Variants in DMXL1 observed in about 807,000 individuals in gnomAD.
The protein encoded by DMXL1 is Dmx like 1.
In DMXL1, 99 loss-of-function variants were observed where a neutral mutation model predicts 319.2. The observed-to-expected ratio is 0.31, with a 90% CI of 0.26 to 0.37. The LOEUF (loss-of-function observed/expected upper bound fraction) is 0.37. Among genes scored for constraint, DMXL1 ranks in the 10% least tolerant of loss-of-function variants. The pLI is 1.00. For synonymous variants in DMXL1, 1,385 were observed against 1,235.2 expected (o/e 1.12, Z -2.54); for missense variants, 3,745 against 3,595.6 (o/e 1.04, Z -1.06).
At chr5:119,122,731 C>G (rs1037854553) in intron 9 of DMXL1, among the ~76,000 whole-genome samples, 2 of 151,812 alleles carry the variant, frequency 1.3e-5, no homozygotes, top group Non-Finnish European at 2.9e-5. Flanking sequence ...ACGCTCCTCA[C>G]TTCCTAGATG....
intron 1 of DMXL1, among the ~76,000 whole-genome samples, chr5:119,079,308 A>G (rs550552761): frequency 4.7e-4 from 72 of 152,318 alleles, no homozygotes; most frequent in Admixed American, 1.9e-3. Context: ...TCCTGGTACA[A>G]TAAAATAAAT....
chr5:119,122,585 ACGGGT>A (rs1378681953), intron 9 of DMXL1, among the ~76,000 whole-genome samples: 1 of 145,146 alleles, frequency 6.9e-6, no homozygotes, highest in African/African-American at 2.6e-5. Context: ...CACTTCTCTG[ACGGGT>A]CGGTTGCCAG....
chr5:119,240,820 C>T (rs145382519), intron 42 of DMXL1, among the ~76,000 whole-genome samples: 104 of 152,096 alleles, frequency 6.8e-4, no homozygotes, highest in African/African-American at 2.4e-3. Context: ...TGCAGTAACA[C>T]AATAATAGGA....
At chr5:119,088,909 C>T (rs753926163) in intron 1 of DMXL1, among the ~76,000 whole-genome samples, 1 of 152,026 alleles carries the variant, frequency 6.6e-6, no homozygotes, top group Non-Finnish European at 1.5e-5. Context: ...GAATAGGTTA[C>T]ACACCACAAT....
chr5:119,171,909 T>A lies in DMXL1; in HGVS notation c.6621T>A (p.Asp2207Glu). 6.2e-7 allele frequency: 1 copy of A among 1,613,878 alleles called. No homozygotes were observed. The highest frequency in any genetic ancestry group is 2.2e-5 in the East Asian group (1 of 44,858). The part of the protein sequence containing the change: ...PLLHLSNLTH[D>E]ILHAIINFDS... Reference sequence around the variant, plus strand: ...TGCACCTTAGTAATCTGACACATGATATTCTCCATGCCATAATAAACTTTG... The same window carrying A: ...TGCACCTTAGTAATCTGACACATGAAATTCTCCATGCCATAATAAACTTTG... Residue 2207 changes from aspartate to glutamate, a missense_variant, in exon 25 of 44, where the codon GAT (aspartate) becomes GAA (glutamate). Asp to Glu is a conservative substitution (Grantham distance 45). Coordinates refer to ENST00000539542, the MANE Select transcript of DMXL1 (RefSeq NM_001290321.3).
intron 19 of DMXL1, among the ~76,000 whole-genome samples, chr5:119,153,097 C>G (rs917531247): frequency 7.9e-5 from 12 of 152,074 alleles, no homozygotes; most frequent in African/African-American, 2.9e-4. Flanking sequence ...CTGCCTCAGC[C>G]TCTCGAATAC....
At position 119,248,280 on chromosome 5, in the gene DMXL1, C is replaced by G. The variant is rs116007681; in HGVS notation, c.*1061C>G. On this transcript the variant is annotated 3_prime_UTR_variant, in exon 44 of 44. Coordinates refer to ENST00000539542, the MANE Select transcript of DMXL1 (RefSeq NM_001290321.3). ...ATACTATTTAGAAATGTAAAATACTCTCCAGATCTACCATTAATAGAAAAT... is the reference window on the plus strand; with the variant it reads ...ATACTATTTAGAAATGTAAAATACTGTCCAGATCTACCATTAATAGAAAAT... The G allele has an allele frequency of 0.026, 3,943 of 152,554 alleles. 79 individuals carry two copies. The highest frequency in any genetic ancestry group is 0.045 in the Non-Finnish European group (3,067 of 67,928). 9.5% of individuals were successfully genotyped at this position (152,554 alleles called of 1,614,324 possible).
chr5:119,141,737 A>T (rs192317369), intron 13 of DMXL1, among the ~76,000 whole-genome samples: 2 of 152,268 alleles, frequency 1.3e-5, no homozygotes, highest in Admixed American at 1.3e-4. Flanking sequence ...TACCAACAAC[A>T]TTGTTCACAG....
intron 4 of DMXL1, among the ~76,000 whole-genome samples, chr5:119,107,110 G>C (rs1758522551): frequency 6.6e-6 from 1 of 152,166 alleles, no homozygotes; most frequent in Non-Finnish European, 1.5e-5. Flanking sequence ...GCTGAGTGGG[G>C]AGAATTGCTT....
At chr5:119,138,221 G>A (rs1241829849) in intron 13 of DMXL1, among the ~76,000 whole-genome samples, 1 of 152,192 alleles carries the variant, frequency 6.6e-6, no homozygotes, top group Admixed American at 6.5e-5. Context: ...ACATTGAATA[G>A]CTATGAATGG....
chr5:119,230,917 G>C (rs973163346), intron 38 of DMXL1, among the ~76,000 whole-genome samples: 5 of 152,012 alleles, frequency 3.3e-5, no homozygotes, highest in African/African-American at 1.2e-4. Flanking sequence ...AGGATATCTG[G>C]ATCCAAATTG....
intron 18 of DMXL1, among the ~76,000 whole-genome samples, chr5:119,151,020 T>G (rs534529409): frequency 1.1e-4 from 17 of 152,190 alleles, no homozygotes; most frequent in Non-Finnish European, 1.9e-4. Flanking sequence ...TTTCTGAGTT[T>G]AGCAAAATTT....
chr5:119,118,833 A>C lies in DMXL1; in HGVS notation c.762A>C (p.Val254=). The part of the protein sequence containing the change: ...KYMPRASVCN[V]LLTCCKDNVC... The stretch of plus-strand genomic sequence containing the variant: ...TCCTTAGGGCTTCTGTATGTAATGT[A>C]CTGTTGACTTGCTGCAAAGATAATG... The change falls in exon 8 of 44, where the codon GTA becomes GTC. Residue 254 remains valine (V), a synonymous_variant. Transcript: ENST00000539542. 1 of 1,612,786 alleles carries C rather than the reference A, an allele frequency of 6.2e-7. No homozygotes were observed. The highest frequency in any genetic ancestry group is 1.1e-5 in the South Asian group (1 of 90,676).
intron 15 of DMXL1, among the ~76,000 whole-genome samples, chr5:119,146,116 G>T (rs1006020332): frequency 3.3e-5 from 5 of 151,666 alleles, no homozygotes; most frequent in Admixed American, 3.3e-4. Flanking sequence ...TTATAAAAGG[G>T]CAAAGTCTTT....
At chr5:119,131,188 G>C (rs1160189251) in intron 10 of DMXL1, among the ~76,000 whole-genome samples, 8 of 141,464 alleles carry the variant, frequency 5.7e-5, no homozygotes, top group Admixed American at 4.2e-4. Context: ...TGTATATCTT[G>C]ACTTACTTTT....
intron 42 of DMXL1, among the ~76,000 whole-genome samples, chr5:119,243,108 C>G (rs1789130574): frequency 6.6e-6 from 1 of 152,090 alleles, no homozygotes; most frequent in Non-Finnish European, 1.5e-5. Context: ...ATATTCTGTA[C>G]CTTGATCTTA....
At chr5:119,072,463 G>T (rs1203399076) in intron 1 of DMXL1, among the ~76,000 whole-genome samples, 1 of 152,012 alleles carries the variant, frequency 6.6e-6, no homozygotes, top group Non-Finnish European at 1.5e-5. Flanking sequence ...AATTTGTGTA[G>T]ATACCTCTTT....
chr5:119,183,474 C>G (rs1469194807), intron 28 of DMXL1, among the ~76,000 whole-genome samples: 1 of 152,168 alleles, frequency 6.6e-6, no homozygotes, highest in Non-Finnish European at 1.5e-5. Flanking sequence ...GGAATACTTT[C>G]CTTTTCTTTT....
chr5:119,128,482 T>A (rs1490869131), intron 9 of DMXL1: 1 of 163,030 alleles, frequency 6.1e-6, no homozygotes, highest in Non-Finnish European at 1.3e-5. Context: ...GCTGGAAATC[T>A]TATTTAGAGG....
Sources: allele counts gnomAD v4.1 joint callset (sites outside exome capture counted in the v4.1 genomes callset), GRCh38; gene constraint gnomAD v4.1.1; transcripts MANE v1.5; gene names NCBI Gene and HGNC (gene_info 2026-07-23, HGNC 2026-07-21).